CADM2: variants seen among roughly 807,000 people sequenced by gnomAD.
The protein encoded by CADM2 is cell adhesion molecule 2.
Under a neutral mutation model 49.8 loss-of-function variants are expected in CADM2, and 12 were observed. That is an observed-to-expected ratio of 0.24 (90% CI 0.15 to 0.39). CADM2 has a LOEUF of 0.39. Ranked by LOEUF, CADM2 falls within the 10% of genes least tolerant of loss-of-function variation. The probability of loss-of-function intolerance (pLI) is 1.00; values close to 1 mark genes in which losing one functional copy is unlikely to be tolerated. For synonymous variants in CADM2, 214 were observed against 175.4 expected, an observed-to-expected ratio of 1.22 and a Z score of -1.74; for missense variants, 378 against 492.3, an observed-to-expected ratio of 0.77 and a Z score of 2.20.
At chr3:85,651,984 C>CTTTTATTTT (rs2065055478) in intron 1 of CADM2, among the ~76,000 whole-genome samples, 1 of 105,464 alleles carries the variant, frequency 9.5e-6, no homozygotes, top group Admixed American at 1.1e-4. Context: ...CGCCCGGCTA[C>CTTTTATTTT]TTTTTTTTTT....
chr3:85,424,842 CTAGAA>C (rs2036328139), intron 1 of CADM2, among the ~76,000 whole-genome samples: 1 of 152,000 alleles, frequency 6.6e-6, no homozygotes, highest in Non-Finnish European at 1.5e-5. Flanking sequence ...TTTTTGGACA[CTAGAA>C]TATAATTAAT....
At chr3:85,221,114 C>T (rs1291249270) in intron 1 of CADM2, among the ~76,000 whole-genome samples, 3 of 152,132 alleles carry the variant, frequency 2.0e-5, no homozygotes, top group Non-Finnish European at 4.4e-5. Flanking sequence ...GAATTTAAAA[C>T]CTGAAATACT....
intron 6 of CADM2, among the ~76,000 whole-genome samples, chr3:85,934,920 A>G (rs181631112): frequency 1.3e-5 from 2 of 152,176 alleles, no homozygotes; most frequent in East Asian, 1.9e-4. Flanking sequence ...ACAATTTCAC[A>G]TTGACTGTGG....
chr3:85,338,794 G>T (rs2045161348), intron 1 of CADM2, among the ~76,000 whole-genome samples: 1 of 151,320 alleles, frequency 6.6e-6, no homozygotes. Flanking sequence ...CCAAATTTTG[G>T]CTCTAGATTA....
chr3:85,248,039 A>G (rs1402514983), intron 1 of CADM2, among the ~76,000 whole-genome samples: 1 of 152,176 alleles, frequency 6.6e-6, no homozygotes, highest in East Asian at 1.9e-4. Flanking sequence ...ATCCTCACTC[A>G]GATAGATTGT....
chr3:84,997,704 A>C (rs1333054656), intron 1 of CADM2, among the ~76,000 whole-genome samples: 1 of 152,006 alleles, frequency 6.6e-6, no homozygotes, highest in Non-Finnish European at 1.5e-5. Flanking sequence ...TTATATATGA[A>C]TATCAAAAAA....
At chr3:85,536,648 A>G (rs1392403283) in intron 1 of CADM2, among the ~76,000 whole-genome samples, 1 of 152,066 alleles carries the variant, frequency 6.6e-6, no homozygotes, top group Non-Finnish European at 1.5e-5. Context: ...CTTTTCACTG[A>G]GAATCTTTGT....
intron 1 of CADM2, among the ~76,000 whole-genome samples, chr3:85,401,791 A>G (rs776962548): frequency 1.1e-4 from 16 of 152,046 alleles, no homozygotes; most frequent in Non-Finnish European, 1.6e-4. Context: ...AAAGTAGCTG[A>G]GTTAAGCTGG....
intron 1 of CADM2, among the ~76,000 whole-genome samples, chr3:84,995,095 T>C (rs2033107103): frequency 6.6e-6 from 1 of 152,196 alleles, no homozygotes; most frequent in South Asian, 2.1e-4. Context: ...ATTTCCTCAT[T>C]ATTTTTATAA....
At chr3:85,430,394 T>C (rs901285718) in intron 1 of CADM2, among the ~76,000 whole-genome samples, 9 of 152,094 alleles carry the variant, frequency 5.9e-5, no homozygotes, top group Non-Finnish European at 1.2e-4. Context: ...TCAGGATGCC[T>C]GTAAGCCCAG....
intron 1 of CADM2, among the ~76,000 whole-genome samples, chr3:85,423,028 T>G (rs2036245153): frequency 6.6e-6 from 1 of 152,040 alleles, no homozygotes; most frequent in African/African-American, 2.4e-5. Context: ...GGAAGGTGAA[T>G]GCAGGGATTT....
intron 1 of CADM2, among the ~76,000 whole-genome samples, chr3:85,316,054 C>T (rs935136230): frequency 6.6e-6 from 1 of 151,982 alleles, no homozygotes; most frequent in African/African-American, 2.4e-5. Context: ...CAACAGTAAT[C>T]CATATTAGTT....
rs1289334278 is a variant in CADM2, at chr3:86,068,225, AT to A, written c.*1446del. 6.6e-6 allele frequency: 1 copy of A among 152,388 alleles called. No individual in the cohort carries two copies. Among genetic ancestry groups the A allele is most frequent in the African/African-American group, 2.4e-5 (1 of 41,440 alleles). The allele number at this position is 152,388 out of a possible 1,614,324, so 9.4% of individuals were successfully genotyped here. On this transcript the variant is annotated 3_prime_UTR_variant, in exon 10 of 10. Transcript: ENST00000383699. Reference sequence around the variant, plus strand: ...AAGTGAAAGTCTCTTTCTCTGGATTATTTTAAAATTTTGGCGTGTTTAACCA... The same window carrying A: ...AAGTGAAAGTCTCTTTCTCTGGATTATTTAAAATTTTGGCGTGTTTAACCA...
chr3:85,461,549 A>G lies in CADM2; in HGVS notation c.62-264973A>G, dbSNP rs906814788. Among the ~76,000 whole-genome samples the G allele has an allele frequency of 2.0e-5, 3 of 152,120 alleles. No homozygotes were observed. The South Asian group carries it at 6.2e-4, about 32-fold the overall frequency. On this transcript the variant is annotated intron_variant, in intron 1 of 9. Coordinates refer to ENST00000383699, the MANE Select transcript of CADM2 (RefSeq NM_001167675.2). ...AGTCATGTCATAACTCAGGAGGAAA[A>G]AGTTTCAACTTTCTGGTTTGAGAAT...
At chr3:85,903,053 C>T (rs1415555526) in intron 5 of CADM2, among the ~76,000 whole-genome samples, 1 of 151,776 alleles carries the variant, frequency 6.6e-6, no homozygotes, top group East Asian at 1.9e-4. Context: ...TTCAAGTTAC[C>T]ACCTAGAATC....
intron 1 of CADM2, among the ~76,000 whole-genome samples, chr3:85,099,026 AT>A (rs1023286027): frequency 3.9e-5 from 6 of 152,204 alleles, no homozygotes; most frequent in African/African-American, 1.4e-4. Flanking sequence ...GTAATACAAT[AT>A]GTAATCAAAC....
At chr3:85,296,234 G>A (rs562089485) in intron 1 of CADM2, among the ~76,000 whole-genome samples, 2 of 152,134 alleles carry the variant, frequency 1.3e-5, no homozygotes, top group African/African-American at 2.4e-5. Context: ...TATAGTTTGA[G>A]TTCATGAGGT....
chr3:85,072,704 T>A (rs1575810168), intron 1 of CADM2, among the ~76,000 whole-genome samples: 1 of 152,056 alleles, frequency 6.6e-6, no homozygotes, highest in Non-Finnish European at 1.5e-5. Flanking sequence ...ATCTACCGTC[T>A]TTTCTTTGTA....
intron 1 of CADM2, among the ~76,000 whole-genome samples, chr3:85,376,779 A>G (rs2033614831): frequency 6.6e-6 from 1 of 152,072 alleles, no homozygotes; most frequent in Non-Finnish European, 1.5e-5. Flanking sequence ...TTTAAAGTTT[A>G]TACAATTGAG....
Sources: allele counts gnomAD v4.1 joint callset (sites outside exome capture counted in the v4.1 genomes callset), GRCh38; gene constraint gnomAD v4.1.1; transcripts MANE v1.5; gene names NCBI Gene and HGNC (gene_info 2026-07-23, HGNC 2026-07-21).